The following HDAC9 variants were observed in gnomAD, a reference collection of about 807,000 sequenced individuals.
The protein encoded by HDAC9 is MEF-2 interacting transcription repressor (MITR) protein.
A neutral mutation model predicts 139.4 loss-of-function variants in HDAC9; 41 were observed. The observed-to-expected ratio is 0.29, with a 90% CI of 0.23 to 0.38. The LOEUF is 0.38. HDAC9 is among the 10% of genes least tolerant of loss of function. The probability of loss-of-function intolerance (pLI) is 1.00; values close to 1 mark genes in which losing one functional copy is unlikely to be tolerated. For synonymous variants in HDAC9, 517 were observed against 476.2 expected (o/e 1.09, Z -1.12); for missense variants, 1,147 against 1,297.0 (o/e 0.88, Z 1.78).
chr7:18,402,231 T>A (rs1787612237), intron 1 of HDAC9, among the ~76,000 whole-genome samples: 1 of 152,170 alleles, frequency 6.6e-6, no homozygotes, highest in Non-Finnish European at 1.5e-5. Context: ...TTAACAGATA[T>A]ATCAATATAA....
intron 2 of HDAC9, among the ~76,000 whole-genome samples, chr7:18,170,930 C>G (rs1177568372): frequency 1.3e-5 from 2 of 152,144 alleles, no homozygotes; most frequent in African/African-American, 4.8e-5. Flanking sequence ...GCAATGCGGG[C>G]TCTTTTTTGG....
intron 2 of HDAC9, among the ~76,000 whole-genome samples, chr7:18,281,240 C>A (rs139586482): frequency 4.6e-4 from 70 of 152,312 alleles, no homozygotes; most frequent in African/African-American, 1.4e-3. Flanking sequence ...GGATGATAAA[C>A]TTTCTATATG....
At chr7:18,644,900 G>T (rs2129019778) in intron 9 of HDAC9, 107 bp downstream of exon 9, 2 of 1,084,966 alleles carry the variant, frequency 1.8e-6, no homozygotes, top group Non-Finnish European at 1.3e-6. Context: ...ACTTGACAGA[G>T]CCAGCATCTC....
intron 22 of HDAC9, among the ~76,000 whole-genome samples, chr7:18,895,867 A>C (rs1801150493): frequency 6.6e-6 from 1 of 152,130 alleles, no homozygotes; most frequent in African/African-American, 2.4e-5. Context: ...AGTAACAATA[A>C]GTCATTATTT....
intron 1 of HDAC9, among the ~76,000 whole-genome samples, chr7:18,362,843 G>A (rs1479450379): frequency 6.6e-6 from 1 of 152,038 alleles, no homozygotes; most frequent in Admixed American, 6.6e-5. Context: ...TCTGGTTTAC[G>A]TCTTTAAAGG....
At chr7:18,343,263 C>T (rs188981915) in intron 1 of HDAC9, among the ~76,000 whole-genome samples, 13 of 151,770 alleles carry the variant, frequency 8.6e-5, no homozygotes, top group African/African-American at 3.1e-4. Flanking sequence ...CACATTTCAC[C>T]GTTCCCTAAG....
chr7:18,346,171 T>C (rs923537884), intron 1 of HDAC9, among the ~76,000 whole-genome samples: 1 of 152,118 alleles, frequency 6.6e-6, no homozygotes, highest in Admixed American at 6.6e-5. Flanking sequence ...AGTTTCTTTC[T>C]CCTTCCTAGG....
intron 1 of HDAC9, among the ~76,000 whole-genome samples, chr7:18,356,319 C>T (rs981464467): frequency 3.0e-5 from 4 of 132,464 alleles, no homozygotes; most frequent in South Asian, 2.5e-4. Flanking sequence ...TAATAGGTGG[C>T]GCCATTATTC....
At chr7:18,415,651 G>A (rs1788980508) in intron 1 of HDAC9, among the ~76,000 whole-genome samples, 2 of 152,194 alleles carry the variant, frequency 1.3e-5, no homozygotes, top group Non-Finnish European at 2.9e-5. Flanking sequence ...AAAACTTCAT[G>A]TGGTGAAACG....
intron 2 of HDAC9, among the ~76,000 whole-genome samples, chr7:18,253,897 C>T (rs1412398029): frequency 6.6e-6 from 1 of 152,178 alleles, no homozygotes; most frequent in Non-Finnish European, 1.5e-5. Flanking sequence ...CCTCTGACCA[C>T]CTTTCCTTAG....
intron 1 of HDAC9, among the ~76,000 whole-genome samples, chr7:18,145,652 C>A (rs1246796723): frequency 6.6e-6 from 1 of 151,808 alleles, no homozygotes; most frequent in Non-Finnish European, 1.5e-5. Context: ...TGGAGCAAAC[C>A]AAAAAATAGA....
rs548070040 is a variant in HDAC9, at chr7:18,572,512, G to C, written c.23-12769G>C. ...AAAAATACGGGAAAGGGGACGGTTT[G>C]CACCATCTTCCTCGTAGTTCCTTTA... On this transcript the variant is annotated intron_variant, in intron 2 of 25. Coordinates refer to ENST00000686413, the MANE Select transcript of HDAC9 (RefSeq NM_178425.4). Among the ~76,000 whole-genome samples, 4 of 151,990 alleles carry C rather than the reference G, an allele frequency of 2.6e-5. No individual in the cohort carries two copies. In the East Asian group the frequency reaches 7.8e-4, roughly 30 times the overall value.
At chr7:18,493,468 G>C (rs2128136136), upstream of HDAC9, among the ~76,000 whole-genome samples, 2 of 151,980 alleles carry the variant, frequency 1.3e-5, no homozygotes, top group Middle Eastern at 6.8e-3. Context: ...TTAATTACCT[G>C]TATTTCCTTA....
At chr7:18,865,405 G>A (rs191797551) in intron 21 of HDAC9, among the ~76,000 whole-genome samples, 1 of 152,268 alleles carries the variant, frequency 6.6e-6, no homozygotes, top group African/African-American at 2.4e-5. Context: ...AGAGAAGGGG[G>A]CAATGTGTGT....
intron 1 of HDAC9, among the ~76,000 whole-genome samples, chr7:18,297,034 G>A (rs1413436155): frequency 6.6e-6 from 1 of 152,106 alleles, no homozygotes; most frequent in Non-Finnish European, 1.5e-5. Flanking sequence ...GCTCTGTCTG[G>A]GCAATTCAAG....
At chr7:18,459,018 G>A in intron 1 of HDAC9, 1 of 756,548 alleles carries the variant, frequency 1.3e-6, no homozygotes, top group South Asian at 1.7e-5. Context: ...ACTTGGCCAA[G>A]ATATGCTTGA....
At chr7:18,520,211 C>T (rs1029463991) in intron 2 of HDAC9, among the ~76,000 whole-genome samples, 1 of 152,028 alleles carries the variant, frequency 6.6e-6, no homozygotes, top group Non-Finnish European at 1.5e-5. Flanking sequence ...TGAGAAACTT[C>T]GTGATATACA....
chr7:18,087,709 C>T (rs1321045996), intron 1 of HDAC9, among the ~76,000 whole-genome samples: 1 of 152,098 alleles, frequency 6.6e-6, no homozygotes, highest in Non-Finnish European at 1.5e-5. Flanking sequence ...AAAGCAGTTC[C>T]TTGACTAGTG....
chr7:18,382,100 CA>C (rs1785496054), intron 1 of HDAC9, among the ~76,000 whole-genome samples: 3 of 151,638 alleles, frequency 2.0e-5, no homozygotes, highest in African/African-American at 7.3e-5. Context: ...CTTGGTAGAC[CA>C]AAGGAGAAAA....
Sources: gnomAD v4.1 joint callset for allele counts (sites outside exome capture counted in the v4.1 genomes callset) on GRCh38, gnomAD v4.1.1 for gene constraint, MANE v1.5 for transcripts, NCBI Gene and HGNC (gene_info 2026-07-23, HGNC 2026-07-21) for gene names.